SNX6: variants seen among roughly 807,000 people sequenced by gnomAD.
The protein encoded by SNX6 is sorting nexin-6.
SNX6 carries 34 observed loss-of-function variants against 63.0 expected under a neutral mutation model. The ratio of observed to expected loss-of-function variants is 0.54; its 90% confidence interval spans 0.41 to 0.72. The LOEUF (loss-of-function observed/expected upper bound fraction) is 0.72. Ranked by LOEUF, SNX6 falls within the 30% of genes least tolerant of loss-of-function variation. The pLI, the probability that SNX6 is intolerant of heterozygous loss-of-function variation, is 0.00. For missense variants in SNX6, 398 were observed against 471.4 expected (o/e 0.84, Z 1.44); for synonymous variants, 170 against 164.2 (o/e 1.04, Z -0.27).
intron 2 of SNX6, among the ~76,000 whole-genome samples, chr14:34,624,751 G>A (rs1883760949): frequency 6.6e-6 from 1 of 151,516 alleles, no homozygotes; most frequent in Non-Finnish European, 1.5e-5. Context: ...AGTCAAGGTC[G>A]CACCACTGCA....
At chr14:34,573,704 T>C (rs1443842468) in intron 11 of SNX6, among the ~76,000 whole-genome samples, 1 of 151,774 alleles carries the variant, frequency 6.6e-6, no homozygotes, top group Non-Finnish European at 1.5e-5. Context: ...AATGGCGCGG[T>C]CTCGGCTCAC....
intron 2 of SNX6, chr14:34,629,392 G>A (rs1883949311): frequency 2.3e-6 from 1 of 440,880 alleles, no homozygotes; most frequent in South Asian, 1.6e-5. Flanking sequence ...TAATCTAGTA[G>A]GGCACTGGAC....
At chr14:34,611,138 G>A (rs1264406854) in intron 2 of SNX6, among the ~76,000 whole-genome samples, 6 of 152,068 alleles carry the variant, frequency 3.9e-5, no homozygotes, top group East Asian at 1.9e-4. Context: ...GATTATAGTC[G>A]TGCGCCCCCA....
intron 8 of SNX6, among the ~76,000 whole-genome samples, chr14:34,588,287 G>A (rs577133458): frequency 6.6e-6 from 1 of 152,068 alleles, no homozygotes; most frequent in Non-Finnish European, 1.5e-5. Flanking sequence ...GATTACAGGT[G>A]TGAGTCACTG....
At chr14:34,568,930 A>G (rs1881316126) in intron 11 of SNX6, 13 of 1,312,892 alleles carry the variant, frequency 9.9e-6, no homozygotes, top group Middle Eastern at 3.8e-4. Flanking sequence ...GCCACCCCAG[A>G]GGTACAGGTG....
chr14:34,624,359 G>T (rs746760960), intron 2 of SNX6, among the ~76,000 whole-genome samples: 21 of 152,096 alleles, frequency 1.4e-4, no homozygotes, highest in African/African-American at 5.1e-4. Context: ...TCTCGGCCTC[G>T]CAAAGTGCTG....
chr14:34,608,796 G>A (rs556943668), intron 3 of SNX6, among the ~76,000 whole-genome samples: 2 of 150,870 alleles, frequency 1.3e-5, no homozygotes, highest in African/African-American at 2.4e-5. Context: ...GGAAGGCCGA[G>A]GTGGGTTGGA....
chr14:34,597,029 G>A (rs1292941255), intron 7 of SNX6, among the ~76,000 whole-genome samples: 1 of 152,202 alleles, frequency 6.6e-6, no homozygotes, highest in East Asian at 1.9e-4. Flanking sequence ...ACATTTCCAA[G>A]GCTAAATGTT....
chr14:34,610,751 T>C (rs1219058459), intron 2 of SNX6, among the ~76,000 whole-genome samples: 1 of 152,124 alleles, frequency 6.6e-6, no homozygotes, highest in Non-Finnish European at 1.5e-5. Context: ...AATAAATAAC[T>C]TGTTTGGGTA....
intron 2 of SNX6, among the ~76,000 whole-genome samples, chr14:34,620,610 A>G (rs1883585643): frequency 6.6e-6 from 1 of 151,926 alleles, no homozygotes; most frequent in Non-Finnish European, 1.5e-5. Context: ...TCTTAAAACT[A>G]TCTCAACCTT....
At position 34,630,136 on chromosome 14, in the gene SNX6, C is replaced by G. The variant is rs1368094508; in HGVS notation, c.-20G>C. The G allele has an allele frequency of 7.5e-7, 1 of 1,324,540 alleles. No individual in the cohort carries two copies. The highest frequency in any genetic ancestry group is 2.1e-5 in the South Asian group (1 of 48,206). The allele number at this position is 1,324,540 out of a possible 1,614,324, so 82.0% of individuals were successfully genotyped here. ...CATCATGGCTGCTCCGAGGCGAGGGCCGGCGCAGGCGCGCATCTCCCTGCT... is the reference window on the plus strand; with the variant it reads ...CATCATGGCTGCTCCGAGGCGAGGGGCGGCGCAGGCGCGCATCTCCCTGCT... On this transcript the variant is annotated 5_prime_UTR_variant, in exon 1 of 14. Transcript: ENST00000362031.
chr14:34,604,221 G>A (rs775661118), intron 5 of SNX6: 97 of 1,288,828 alleles, frequency 7.5e-5, no homozygotes, highest in Middle Eastern at 2.1e-4. Flanking sequence ...GGATGCAGAG[G>A]ATGGAGGTAG....
At chr14:34,592,929 C>T in intron 8 of SNX6, 116 bp downstream of exon 8, 1 of 730,254 alleles carries the variant, frequency 1.4e-6, no homozygotes, top group South Asian at 1.8e-5. Context: ...GGAGCCTAGG[C>T]TCCAACAGAC....
At chr14:34,614,409 C>A (rs1883345793) in intron 2 of SNX6, among the ~76,000 whole-genome samples, 1 of 151,632 alleles carries the variant, frequency 6.6e-6, no homozygotes, top group Non-Finnish European at 1.5e-5. Flanking sequence ...TGCACTCCAG[C>A]CTGGGTGACA....
chr14:34,573,647 T>A (rs1389822364), intron 11 of SNX6, among the ~76,000 whole-genome samples: 3 of 151,662 alleles, frequency 2.0e-5, no homozygotes, highest in Admixed American at 6.6e-5. Context: ...TTAATTAATT[T>A]ATTTTTTTCG....
intron 4 of SNX6, among the ~76,000 whole-genome samples, chr14:34,606,003 G>A (rs969454381): frequency 4.0e-5 from 6 of 151,596 alleles, no homozygotes; most frequent in East Asian, 2.0e-4. Flanking sequence ...ATAAAATCCC[G>A]TCTCTACCAA....
chr14:34,603,299 A>G lies in SNX6; in HGVS notation c.516+49T>C. 3 of 1,549,676 alleles carry G rather than the reference A, an allele frequency of 1.9e-6. 1 individual carries two copies. The South Asian group carries it at 3.7e-5, about 19-fold the overall frequency. ...AGATTCCGTCTCAAAAAAAAAAAGA[A>G]GAAGAAGAAGAAAAAGAAAACTTGA... is the stretch of plus-strand genomic sequence containing the variant. On this transcript the variant is annotated intron_variant, in intron 6 of 13. Coordinates refer to ENST00000362031, the MANE Select transcript of SNX6 (RefSeq NM_152233.4).
intron 2 of SNX6, among the ~76,000 whole-genome samples, chr14:34,628,605 G>C (rs1883919389): frequency 6.6e-6 from 1 of 152,056 alleles, no homozygotes; most frequent in South Asian, 2.1e-4. Context: ...CTCCAGCCTG[G>C]GCAACAAAGG....
chr14:34,570,025 C>T (rs1398090396), intron 11 of SNX6, among the ~76,000 whole-genome samples: 3 of 151,948 alleles, frequency 2.0e-5, no homozygotes, highest in African/African-American at 7.3e-5. Context: ...AATTTTGTCA[C>T]TCACATCCTT....
Sources: allele counts gnomAD v4.1 joint callset (sites outside exome capture counted in the v4.1 genomes callset), GRCh38; gene constraint gnomAD v4.1.1; transcripts MANE v1.5; gene names NCBI Gene and HGNC (gene_info 2026-07-23, HGNC 2026-07-21).